Variants in NDOR1 observed in about 807,000 individuals in gnomAD.
NDOR1 encodes NADPH-dependent diflavin oxidoreductase 1.
A neutral mutation model predicts 67.2 loss-of-function variants in NDOR1; 61 were observed. The observed-to-expected ratio is 0.91, with a 90% CI of 0.74 to 1.12. The LOEUF (loss-of-function observed/expected upper bound fraction) is 1.12, where lower values mean the gene tolerates loss of function less well. Ranked by LOEUF, NDOR1 falls within the 50% of genes most tolerant of loss-of-function variation. The pLI, the probability that NDOR1 is intolerant of heterozygous loss-of-function variation, is 0.00. For synonymous variants in NDOR1, 378 were observed against 343.7 expected (o/e 1.10, Z -1.10); for missense variants, 878 against 802.8 (o/e 1.09, Z -1.13).
chr9:137,206,290 A>T lies in NDOR1; in HGVS notation c.194A>T (p.Asp65Val). 6.2e-7 allele frequency: 1 copy of T among 1,613,516 alleles called. No individual in the cohort carries two copies. Among genetic ancestry groups the T allele is most frequent in the Non-Finnish European group, 8.5e-7 (1 of 1,179,906 alleles). ...IFVCATTGQG[D>V]PPDNMKNFWR... is the part of the protein sequence containing the mutation. ...GTTTGTGCAACTACAGGCCAAGGAG[A>T]CCCCCCTGACAACATGAAGGTAAGG... is the stretch of plus-strand genomic sequence containing the variant. The change falls in exon 2 of 14, where the codon GAC becomes GTC. Residue 65 changes from aspartate (D) to valine (V), a missense_variant. Physicochemically the swap from Asp to Val is radical, Grantham distance 152 (BLOSUM62 -3). Transcript: ENST00000684003.
rs1436951181 is a variant in NDOR1 at position 137,216,817 on chromosome 9, C to T, written c.*401C>T. Reference sequence around the variant, plus strand: ...CTGCACTCCTCTGCCCTGGGGCCACCTCGGCTGCTGCAGCCTGCCCAGCAG... The same window carrying T: ...CTGCACTCCTCTGCCCTGGGGCCACTTCGGCTGCTGCAGCCTGCCCAGCAG... On this transcript the variant is annotated 3_prime_UTR_variant, in exon 14 of 14. Coordinates refer to ENST00000684003, the MANE Select transcript of NDOR1 (RefSeq NM_014434.4). The T allele has an allele frequency of 1.3e-5, 3 of 237,282 alleles. No individual in the cohort carries two copies. Among genetic ancestry groups the T allele is most frequent in the African/African-American group, 2.3e-5 (1 of 43,474 alleles). The allele number at this position is 237,282 out of a possible 1,614,324, so 14.7% of individuals were successfully genotyped here. A position where few individuals can be genotyped will look rare whatever the true frequency, so the allele number is the denominator to read the frequency against.
chr9:137,212,703 C>T lies in NDOR1; in HGVS notation c.311+104C>T, dbSNP rs1006311363. The T allele has an allele frequency of 5.9e-5, 62 of 1,050,564 alleles. No individual in the cohort carries two copies. The highest frequency in any genetic ancestry group is 9.4e-5 in the African/African-American group (6 of 63,988). The allele number at this position is 1,050,564 out of a possible 1,614,324, so 65.1% of individuals were successfully genotyped here. ...CCAGCTTCCAGGGTCGGCCCCTGCG[C>T]GCCTCAGGGCCCTCGCAGTGGTACT... On this transcript the variant is annotated intron_variant, in intron 3 of 13. Transcript: ENST00000684003. This position sits in a 1 kb window ranked among gnomAD's most constrained non-coding sequence, Gnocchi z 4.3.
chr9:137,210,584 G>A (rs1835206535), intron 2 of NDOR1, among the ~76,000 whole-genome samples: 1 of 152,094 alleles, frequency 6.6e-6, no homozygotes, highest in South Asian at 2.1e-4. Context: ...CTCAAGCCTG[G>A]AATCCCAGCG....
chr9:137,215,376 TCCA>T, intron 9 of NDOR1, 28 bp from the exon 10 acceptor site: 3 of 1,598,294 alleles, frequency 1.9e-6, no homozygotes, highest in Non-Finnish European at 2.6e-6. Context: ...GCAGCCTTGT[TCCA>T]CCACCCCCAC....
chr9:137,212,427 ACCCT>A lies in NDOR1; in HGVS notation c.214-71_214-68del, dbSNP rs1835304862. 2.2e-6 allele frequency: 3 copies of A among 1,333,836 alleles called. No individual in the cohort carries two copies. The South Asian group carries it at 3.5e-5, about 16-fold the overall frequency. The allele number at this position is 1,333,836 out of a possible 1,614,324, so 82.6% of individuals were successfully genotyped here. A position where few individuals can be genotyped will look rare whatever the true frequency, so the allele number is the denominator to read the frequency against. ...CTACCCACCTGCCTGTTCCCCTGAGACCCTCCCCTCACCCCCTGCTGTGGGGCTA... is the reference window on the plus strand; with the variant it reads ...CTACCCACCTGCCTGTTCCCCTGAGACCCCTCACCCCCTGCTGTGGGGCTA... On this transcript the variant is annotated intron_variant, in intron 2 of 13. Transcript: ENST00000684003. The surrounding 1 kb of genome is among the most constrained non-coding windows in gnomAD (Gnocchi z 4.3).
chr9:137,214,391 G>C lies in NDOR1; in HGVS notation c.700G>C (p.Asp234His), dbSNP rs1370530850. The C allele has an allele frequency of 6.2e-7, 1 of 1,614,144 alleles. No individual in the cohort carries two copies. The highest frequency in any genetic ancestry group is 1.7e-5 in the Admixed American group (1 of 60,016). ...HFQDVRLIEFDILGSGISFAA... is the reference protein window; with the variant it reads ...HFQDVRLIEFHILGSGISFAA... ...CCAGGACGTTCGGCTGATTGAGTTT[G>C]ACATCTTGGGCTCTGGCATCAGGTG... The change falls in exon 6 of 14, where the codon GAC (aspartate) becomes CAC (histidine). Residue 234 changes from aspartate to histidine, a missense_variant. By Grantham distance (81) the Asp-to-His change is moderately conservative. Coordinates refer to ENST00000684003, the MANE Select transcript of NDOR1 (RefSeq NM_014434.4).
Position 137,206,255 on chromosome 9 carries a change from G to C in NDOR1, c.159G>C (p.Leu53=), listed in dbSNP as rs766079829. Residue 53 remains leucine, a synonymous_variant, in exon 2 of 14, where the codon CTG becomes CTC. Transcript: ENST00000684003. The part of the protein sequence containing the change: ...YPVVNLINEP[L]VIFVCATTGQ... The stretch of plus-strand genomic sequence containing the variant: ...AGGTGAATCTGATTAACGAGCCCCT[G>C]GTGATATTTGTTTGTGCAACTACAG... 3.1e-6 allele frequency: 5 copies of C among 1,613,822 alleles called. No individual in the cohort carries two copies. The African/African-American group carries it at 6.7e-5, about 22-fold the overall frequency.
At position 137,215,393 on chromosome 9, in the gene NDOR1, G is replaced by A. The variant is rs375375319; in HGVS notation, c.1174-14G>A. On this transcript the variant is annotated splice_polypyrimidine_tract_variant and intron_variant, in intron 9 of 13. Coordinates refer to ENST00000684003, the MANE Select transcript of NDOR1 (RefSeq NM_014434.4). ...AGCCTTGTTCCACCACCCCCACCCCGCCGTCCTCCCCAGACTCACCCCTCA... is the reference window on the plus strand; with the variant it reads ...AGCCTTGTTCCACCACCCCCACCCCACCGTCCTCCCCAGACTCACCCCTCA... 40 of 714,110 alleles carry A rather than the reference G, an allele frequency of 5.6e-5. No individual in the cohort carries two copies. Among genetic ancestry groups the A allele is most frequent in the Non-Finnish European group, 8.5e-5 (36 of 422,386 alleles). The allele number at this position is 714,110 out of a possible 1,614,324, so 44.2% of individuals were successfully genotyped here.
Position 137,215,679 on chromosome 9 carries a change from T to G in NDOR1, c.1309T>G (p.Trp437Gly). Residue 437 changes from tryptophan to glycine, a missense_variant, in exon 11 of 14, where the codon TGG becomes GGG. Physicochemically the swap from Trp to Gly is radical, Grantham distance 184. Transcript: ENST00000684003. Reference protein sequence around the residue: ...PGQGPVRVPLWVRPGSLAFPE... With the variant: ...PGQGPVRVPLGVRPGSLAFPE... ...AATAGGACCTGTCCGGGTGCCCCTC[T>G]GGGTGCGGCCTGGGAGTCTGGCCTT... 1 of 1,572,388 alleles carries G rather than the reference T, an allele frequency of 6.4e-7. No individual in the cohort carries two copies. Among genetic ancestry groups the G allele is most frequent in the Non-Finnish European group, 8.6e-7 (1 of 1,158,480 alleles).
chr9:137,212,660 G>A lies in NDOR1; in HGVS notation c.311+61G>A. ...GTTCTGGGGGTCGAGCAACAGGTGT[G>A]CTGGCAGAGGACCGAGACCAGCTTC... On this transcript the variant is annotated intron_variant, in intron 3 of 13. Transcript: ENST00000684003. The surrounding 1 kb of genome is among the most constrained non-coding windows in gnomAD (Gnocchi z 4.3). 6.8e-7 allele frequency: 1 copy of A among 1,481,292 alleles called. No individual in the cohort carries two copies. Among genetic ancestry groups the A allele is most frequent in the South Asian group, 1.1e-5 (1 of 88,372 alleles). The allele number at this position is 1,481,292 out of a possible 1,614,324, so 91.8% of individuals were successfully genotyped here.
At chr9:137,206,376 G>C in intron 2 of NDOR1, 67 bp downstream of exon 2, 2 of 1,491,144 alleles carry the variant, frequency 1.3e-6, no homozygotes, top group Non-Finnish European at 1.9e-6. Flanking sequence ...TCATTGCCTG[G>C]CGTCTAGGTG....
intron 3 of NDOR1, 38 bp from the exon 4 acceptor site, chr9:137,213,742 C>A: frequency 1.9e-6 from 3 of 1,592,890 alleles, no homozygotes; most frequent in East Asian, 4.5e-5. Context: ...ACTCTCCGCC[C>A]GGGCTCCAGC....
intron 2 of NDOR1, among the ~76,000 whole-genome samples, chr9:137,210,819 C>T (rs1482166944): frequency 6.6e-6 from 1 of 152,072 alleles, no homozygotes. Context: ...TGCATTCCAG[C>T]TTGGATGACA....
chr9:137,216,085 G>A lies in NDOR1; in HGVS notation c.1555-9G>A, dbSNP rs754438616. 3 of 1,613,468 alleles carry A rather than the reference G, an allele frequency of 1.9e-6. No individual in the cohort carries two copies. In the South Asian group the frequency reaches 3.3e-5, roughly 18 times the overall value. On this transcript the variant is annotated splice_polypyrimidine_tract_variant and intron_variant, in intron 12 of 13. Transcript: ENST00000684003. Reference sequence around the variant, plus strand: ...GGCTCAGCCCCCAGCCCTGTTCTCTGCCCTACAGGAGCAGAAAGTATATGT... The same window carrying A: ...GGCTCAGCCCCCAGCCCTGTTCTCTACCCTACAGGAGCAGAAAGTATATGT...
chr9:137,214,585 T>C lies in NDOR1; in HGVS notation c.738T>C (p.Asp246=), dbSNP rs62587578. The C allele has an allele frequency of 4.3e-5, 70 of 1,611,516 alleles. No homozygotes were observed. The highest frequency in any genetic ancestry group is 1.7e-4 in the Middle Eastern group (1 of 6,020). Residue 246 remains aspartate (D), a synonymous_variant, in exon 7 of 14, where the codon GAT becomes GAC. Transcript: ENST00000684003. ...LGSGISFAAG[D]VVLIQPSNSA... ...TTCCACACAGCTTTGCTGCTGGTGA[T>C]GTGGTGCTGATTCAGCCCTCCAACT... is the stretch of plus-strand genomic sequence containing the variant.
At position 137,215,142 on chromosome 9, in the gene NDOR1, C is replaced by T. The variant is rs768032751; in HGVS notation, c.1113C>T (p.Tyr371=). ...PHTAAAIPPD[Y]LLDLIPVIRP... is the part of the protein sequence containing the mutation. ...CAGCTGCCGCCATCCCTCCCGACTA[C>T]CTGTTGGACCTCATCCCCGTTATCC... The change falls in exon 9 of 14, where the codon TAC becomes TAT. Residue 371 remains tyrosine (Y), a synonymous_variant. Transcript: ENST00000684003. 9 of 1,613,750 alleles carry T rather than the reference C, an allele frequency of 5.6e-6. No individual in the cohort carries two copies. Among genetic ancestry groups the T allele is most frequent in the South Asian group, 3.3e-5 (3 of 91,050 alleles).
Position 137,213,783 on chromosome 9 carries a change from C to T in NDOR1, c.315C>T (p.Phe105=). ...ACCAGCCTCACTGTCTCCACAGGTT[C>T]AACTTCGTGGCCAAGAAGCTGCACC... ...LGLGDSSYAK[F]NFVAKKLHRR... Residue 105 remains phenylalanine (F), a synonymous_variant, in exon 4 of 14, where the codon TTC becomes TTT. Coordinates refer to ENST00000684003, the MANE Select transcript of NDOR1 (RefSeq NM_014434.4). 6.2e-7 allele frequency: 1 copy of T among 1,612,632 alleles called. No individual in the cohort carries two copies.
In NDOR1 at chr9:137,212,638, C is replaced by T. The variant is rs1835319277; in HGVS notation, c.311+39C>T. On this transcript the variant is annotated intron_variant, in intron 3 of 13. Coordinates refer to ENST00000684003, the MANE Select transcript of NDOR1 (RefSeq NM_014434.4). The surrounding 1 kb of genome is among the most constrained non-coding windows in gnomAD (Gnocchi z 4.3). Reference sequence around the variant, plus strand: ...GGGACAGTGGGCGGACGGAACAGTTCTGGGGGTCGAGCAACAGGTGTGCTG... The same window carrying T: ...GGGACAGTGGGCGGACGGAACAGTTTTGGGGGTCGAGCAACAGGTGTGCTG... The T allele has an allele frequency of 6.4e-7, 1 of 1,569,930 alleles. No homozygotes were observed. Among genetic ancestry groups the T allele is most frequent in the African/African-American group, 1.4e-5 (1 of 73,974 alleles).
chr9:137,213,430 C>G (rs1323486399), intron 3 of NDOR1, among the ~76,000 whole-genome samples: 3 of 152,190 alleles, frequency 2.0e-5, no homozygotes, highest in Non-Finnish European at 4.4e-5. Context: ...AGGAGTGACC[C>G]ACATCTTGGC....
Sources: allele counts gnomAD v4.1 joint callset (sites outside exome capture counted in the v4.1 genomes callset), GRCh38; gene constraint gnomAD v4.1.1; non-coding constraint Gnocchi (gnomAD v3.1); transcripts MANE v1.5; gene names NCBI Gene and HGNC (gene_info 2026-07-23, HGNC 2026-07-21).